Variants in AKAP13 observed in about 807,000 individuals in gnomAD.
AKAP13 encodes A-kinase anchor protein 13.
In AKAP13, 80 loss-of-function variants were observed where a neutral mutation model predicts 264.5. The ratio of observed to expected loss-of-function variants is 0.30; its 90% CI spans 0.25 to 0.36. The LOEUF (loss-of-function observed/expected upper bound fraction) is 0.36. Ranked by LOEUF, AKAP13 falls within the 10% of genes least tolerant of loss-of-function variation. AKAP13 has a pLI of 1.00. For synonymous variants in AKAP13, 1,380 were observed against 1,250.2 expected (o/e 1.10, Z -2.19); for missense variants, 3,712 against 3,435.2 (o/e 1.08, Z -2.01).
intron 36 of AKAP13, 92 bp downstream of exon 36, chr15:85,743,917 G>A (rs2089242303): frequency 1.4e-6 from 2 of 1,425,182 alleles, no homozygotes; most frequent in Admixed American, 2.5e-5. Context: ...GGGTTGAAAA[G>A]GGGACAGTTC....
At chr15:85,562,681 CTTTTCTTTTCTT>C (rs2078434646) in intron 5 of AKAP13, among the ~76,000 whole-genome samples, 1 of 88,018 alleles carries the variant, frequency 1.1e-5, no homozygotes, top group Admixed American at 1.8e-4. Flanking sequence ...TCTTTCTTTT[CTTTTCTTTTCTT>C]TTTTTTTTTT....
chr15:85,567,437 TGTA>T (rs1266556220), intron 5 of AKAP13, among the ~76,000 whole-genome samples: 1 of 152,186 alleles, frequency 6.6e-6, no homozygotes, highest in African/African-American at 2.4e-5. Context: ...GGACATATTT[TGTA>T]GTAGTGGTGA....
At chr15:85,709,305 T>A (rs1049519620) in intron 18 of AKAP13, among the ~76,000 whole-genome samples, 1 of 152,218 alleles carries the variant, frequency 6.6e-6, no homozygotes, top group African/African-American at 2.4e-5. Context: ...TATAGTTTTT[T>A]ATAGTCTGTA....
At chr15:85,652,374 G>A (rs946420123) in intron 10 of AKAP13, among the ~76,000 whole-genome samples, 2 of 152,174 alleles carry the variant, frequency 1.3e-5, no homozygotes, top group Non-Finnish European at 2.9e-5. Flanking sequence ...CTGTCTGTGA[G>A]TTGTTTCCAA....
intron 1 of AKAP13, among the ~76,000 whole-genome samples, chr15:85,423,653 A>G (rs927085140): frequency 4.6e-5 from 7 of 152,336 alleles, no homozygotes; most frequent in Non-Finnish European, 8.8e-5. Flanking sequence ...ACTCCTGTTA[A>G]TGTTGATATT....
intron 1 of AKAP13, among the ~76,000 whole-genome samples, chr15:85,442,515 T>C (rs1567059720): frequency 9.0e-6 from 1 of 110,680 alleles, no homozygotes; most frequent in Non-Finnish European, 1.9e-5. Context: ...ATATATAATA[T>C]ATATTATATT....
chr15:85,460,625 A>G (rs748111498), intron 1 of AKAP13, among the ~76,000 whole-genome samples: 17 of 152,206 alleles, frequency 1.1e-4, no homozygotes, highest in Non-Finnish European at 2.2e-4. Flanking sequence ...AGGCCTTGAG[A>G]TGTGGAGATC....
chr15:85,426,443 G>T (rs1438656257), intron 1 of AKAP13, among the ~76,000 whole-genome samples: 2 of 152,106 alleles, frequency 1.3e-5, no homozygotes, highest in African/African-American at 2.4e-5. Context: ...TGTGTATGCA[G>T]ATTCACCTGA....
At chr15:85,623,730 G>A (rs1014806843) in intron 8 of AKAP13, among the ~76,000 whole-genome samples, 2 of 152,190 alleles carry the variant, frequency 1.3e-5, no homozygotes, top group Admixed American at 1.3e-4. Flanking sequence ...TCACCCACCT[G>A]TCTGTTCTCC....
At chr15:85,421,628 TC>T (rs2072528024) in intron 1 of AKAP13, among the ~76,000 whole-genome samples, 1 of 152,246 alleles carries the variant, frequency 6.6e-6, no homozygotes, top group Non-Finnish European at 1.5e-5. Context: ...TCTTTTTTTT[TC>T]TTTGCCCTTC....
At chr15:85,418,531 C>T (rs1270485697) in intron 1 of AKAP13, among the ~76,000 whole-genome samples, 2 of 152,178 alleles carry the variant, frequency 1.3e-5, no homozygotes, top group Non-Finnish European at 2.9e-5. Context: ...GCCCTGATAC[C>T]TGTGCAGTGG....
At chr15:85,456,143 G>A (rs1251409763) in intron 1 of AKAP13, among the ~76,000 whole-genome samples, 1 of 152,088 alleles carries the variant, frequency 6.6e-6, no homozygotes, top group Admixed American at 6.5e-5. Context: ...TTTTTCCAAG[G>A]TACAGTTCAG....
chr15:85,496,016 G>T (rs2075863162), intron 2 of AKAP13, among the ~76,000 whole-genome samples: 1 of 152,092 alleles, frequency 6.6e-6, no homozygotes, highest in South Asian at 2.1e-4. Context: ...GAAAAGTTAG[G>T]GTGCTATTAT....
At chr15:85,442,461 ATACATAATATATAT>A (rs1373113394) in intron 1 of AKAP13, among the ~76,000 whole-genome samples, 4 of 124,240 alleles carry the variant, frequency 3.2e-5, no homozygotes, top group South Asian at 4.6e-4. Context: ...CATATATAAT[ATACATAATATATAT>A]TATATAATAT....
At chr15:85,736,009 C>T (rs766796709) in intron 32 of AKAP13, 81 bp from the exon 33 acceptor site, 10 of 1,135,216 alleles carry the variant, frequency 8.8e-6, no homozygotes, top group Non-Finnish European at 1.3e-5. Flanking sequence ...TGGAAAGCTA[C>T]AGCCTAACAC....
At chr15:85,638,752 C>T (rs1252682002) in intron 8 of AKAP13, among the ~76,000 whole-genome samples, 1 of 116,292 alleles carries the variant, frequency 8.6e-6, no homozygotes, top group Non-Finnish European at 1.8e-5. Flanking sequence ...ACTTCAGCAA[C>T]CCCTCTGAGC....
intron 8 of AKAP13, among the ~76,000 whole-genome samples, chr15:85,597,242 G>T (rs1404326977): frequency 6.6e-6 from 1 of 152,138 alleles, no homozygotes; most frequent in Non-Finnish European, 1.5e-5. Flanking sequence ...CCTTTAATTT[G>T]CAAGAAAGGA....
intron 5 of AKAP13, among the ~76,000 whole-genome samples, chr15:85,561,578 T>C (rs775365156): frequency 6.6e-6 from 1 of 152,256 alleles, no homozygotes; most frequent in Non-Finnish European, 1.5e-5. Flanking sequence ...TTGATTTAAC[T>C]TTAATTTTTA....
intron 2 of AKAP13, among the ~76,000 whole-genome samples, chr15:85,516,831 T>G (rs1239397307): frequency 6.6e-6 from 1 of 152,248 alleles, no homozygotes; most frequent in African/African-American, 2.4e-5. Flanking sequence ...ATGTGAGTTG[T>G]GAAGACACGC....
Sources: gnomAD v4.1 joint callset for allele counts (sites outside exome capture counted in the v4.1 genomes callset) on GRCh38, gnomAD v4.1.1 for gene constraint, MANE v1.5 for transcripts, NCBI Gene and HGNC (gene_info 2026-07-23, HGNC 2026-07-21) for gene names.